The following CDH23 variants were observed in gnomAD, a reference collection of about 807,000 sequenced individuals.
CDH23 encodes cadherin-23.
CDH23 carries 189 observed loss-of-function variants against 317.1 expected under a neutral mutation model. That is an observed-to-expected ratio of 0.60 (90% CI 0.53 to 0.67). The LOEUF is 0.67. CDH23 is among the 30% of genes least tolerant of loss of function. The pLI, the probability that CDH23 is intolerant of heterozygous loss-of-function variation, is 0.00. For synonymous variants in CDH23, 1,839 were observed against 1,876.8 expected, an observed-to-expected ratio of 0.98 and a Z score of 0.52; for missense variants, 4,401 against 4,592.4, an observed-to-expected ratio of 0.96 and a Z score of 1.20.
rs962650309 is a variant in CDH23 at position 71,620,473 on chromosome 10, G to A, written c.1134+3080G>A. On this transcript the variant is annotated intron_variant, in intron 11 of 69. Coordinates refer to ENST00000224721, the MANE Select transcript of CDH23 (RefSeq NM_022124.6). Reference sequence around the variant, plus strand: ...GGGGCAATGTAACCCTGACACCTCCGATTTTATCTCAGGCTGCCTTTGCTA... The same window carrying A: ...GGGGCAATGTAACCCTGACACCTCCAATTTTATCTCAGGCTGCCTTTGCTA... 6.6e-5 allele frequency among the ~76,000 whole-genome samples: 10 copies of A among 152,186 alleles called. No individual in the cohort carries two copies. The East Asian group carries it at 1.3e-3, about 20-fold the overall frequency.
rs762921555 is a variant in CDH23, at chr10:71,809,933, A to G, written c.8836A>G (p.Ile2946Val). Residue 2946 changes from isoleucine (I) to valine (V), a missense_variant, in exon 61 of 70, where the codon ATC becomes GTC. Physicochemically the swap from Ile to Val is conservative, Grantham distance 29. Transcript: ENST00000224721. ...DLAGHNDTAI[I>V]GIYILRDDQR... ...GGCAGGCCACAACGACACGGCCATC[A>G]TCGGCATCTACATCCTGAGGGACGA... 1.1e-5 allele frequency: 18 copies of G among 1,612,798 alleles called. No individual in the cohort carries two copies. Among genetic ancestry groups the G allele is most frequent in the Non-Finnish European group, 1.4e-5 (17 of 1,179,894 alleles).
At chr10:71,806,327 C>A in intron 57 of CDH23, 46 bp downstream of exon 57, 2 of 1,318,198 alleles carry the variant, frequency 1.5e-6, no homozygotes, top group Non-Finnish European at 2.1e-6. Flanking sequence ...CACAGGGACT[C>A]ACCTGCCTGC....
chr10:71,591,912 G>A (rs1017815727), intron 9 of CDH23, among the ~76,000 whole-genome samples: 2 of 152,126 alleles, frequency 1.3e-5, no homozygotes, highest in African/African-American at 4.8e-5. Context: ...TGCTGGGACT[G>A]AGGTGTGGGT....
At position 71,577,117 on chromosome 10, in the gene CDH23, C is replaced by T. The variant is rs118060145; in HGVS notation, c.754-797C>T. On this transcript the variant is annotated intron_variant, in intron 8 of 69. Coordinates refer to ENST00000224721, the MANE Select transcript of CDH23 (RefSeq NM_022124.6). ...CTTCTCCCCTTTTTTGTACGTTTCT[C>T]CATGTGAGCCATATGTGTATTCGCA... Among the ~76,000 whole-genome samples the T allele has an allele frequency of 3.6e-3, 554 of 152,308 alleles. 2 individuals carry two copies. Among genetic ancestry groups the T allele is most frequent in the Non-Finnish European group, 6.0e-3 (408 of 68,032 alleles).
At chr10:71,669,204 G>C (rs975156730) in intron 14 of CDH23, among the ~76,000 whole-genome samples, 1 of 152,208 alleles carries the variant, frequency 6.6e-6, no homozygotes, top group East Asian at 1.9e-4. Flanking sequence ...TCCAGGCCTT[G>C]GTGCCAGCAA....
chr10:71,419,336 C>T (rs1848651506), intron 1 of CDH23, among the ~76,000 whole-genome samples: 1 of 152,226 alleles, frequency 6.6e-6, no homozygotes, highest in Non-Finnish European at 1.5e-5. Flanking sequence ...TGCTCTCCCC[C>T]TGCTCCCTGT....
At chr10:71,418,101 C>G (rs753147256) in intron 1 of CDH23, among the ~76,000 whole-genome samples, 1 of 152,024 alleles carries the variant, frequency 6.6e-6, no homozygotes, top group Non-Finnish European at 1.5e-5. Flanking sequence ...CAACTATTGT[C>G]TTGAACATAT....
chr10:71,714,793 G>GGT (rs1260015680), intron 28 of CDH23: 3 of 152,264 alleles, frequency 2.0e-5, no homozygotes, highest in African/African-American at 7.2e-5. Context: ...GCAGGATGGG[G>GGT]GTGGGGCAGC....
intron 19 of CDH23, 97 bp downstream of exon 19, chr10:71,687,816 G>C: frequency 8.7e-7 from 1 of 1,151,478 alleles, no homozygotes; most frequent in Non-Finnish European, 1.3e-6. Context: ...CACACAAATT[G>C]TGGGAGGTCC....
intron 41 of CDH23, among the ~76,000 whole-genome samples, chr10:71,780,599 G>T (rs146454949): frequency 2.5e-4 from 38 of 152,300 alleles, no homozygotes; most frequent in Admixed American, 5.9e-4. Flanking sequence ...AATGAGACCA[G>T]AGAGGTAATG....
At chr10:71,643,571 C>A (rs1862675190) in intron 11 of CDH23, among the ~76,000 whole-genome samples, 1 of 151,348 alleles carries the variant, frequency 6.6e-6, no homozygotes, top group African/African-American at 2.4e-5. Context: ...CCCCCCCTCA[C>A]CTCCTCACCC....
At chr10:71,687,803 C>G (rs1864970074) in intron 19 of CDH23, 84 bp downstream of exon 19, 1 of 1,259,500 alleles carries the variant, frequency 7.9e-7, no homozygotes. Flanking sequence ...GACCCCGGCT[C>G]TGCACACAAA....
At chr10:71,440,292 T>C (rs934721265) in intron 2 of CDH23, among the ~76,000 whole-genome samples, 1 of 152,150 alleles carries the variant, frequency 6.6e-6, no homozygotes, top group Non-Finnish European at 1.5e-5. Context: ...CACCCAGCTC[T>C]GAGGGAATGG....
intron 1 of CDH23, among the ~76,000 whole-genome samples, chr10:71,427,154 C>CAAA (rs754534481): frequency 3.1e-5 from 2 of 64,298 alleles, no homozygotes; most frequent in African/African-American, 1.0e-4. Context: ...GACCCTGTCT[C>CAAA]AAAAAAAAAA....
intron 3 of CDH23, chr10:71,509,782 A>G: frequency 2.5e-6 from 1 of 399,586 alleles, no homozygotes; most frequent in South Asian, 2.9e-5. Context: ...GGAGGTCTTC[A>G]AATTAAAATC....
intron 11 of CDH23, among the ~76,000 whole-genome samples, chr10:71,640,692 T>C (rs1402122293): frequency 1.3e-5 from 2 of 152,032 alleles, no homozygotes; most frequent in Non-Finnish European, 2.9e-5. Context: ...AGGCAGAGGT[T>C]GCAGTGAGCT....
chr10:71,400,762 G>A (rs1044357868), intron 1 of CDH23, among the ~76,000 whole-genome samples: 2 of 152,186 alleles, frequency 1.3e-5, no homozygotes, highest in Admixed American at 1.3e-4. Context: ...TCATGCCACT[G>A]CATTCCAGCC....
At chr10:71,720,029 C>G (rs1866477628) in intron 28 of CDH23, among the ~76,000 whole-genome samples, 1 of 152,224 alleles carries the variant, frequency 6.6e-6, no homozygotes, top group African/African-American at 2.4e-5. Context: ...CTCTGCGGCC[C>G]CATGGCGCTC....
chr10:71,417,611 T>G (rs928483198), intron 1 of CDH23, among the ~76,000 whole-genome samples: 3 of 152,322 alleles, frequency 2.0e-5, no homozygotes, highest in Admixed American at 1.3e-4. Flanking sequence ...CTTTCTCATC[T>G]GTCCTTCTTT....
Sources: gnomAD v4.1 joint callset for allele counts (sites outside exome capture counted in the v4.1 genomes callset) on GRCh38, gnomAD v4.1.1 for gene constraint, MANE v1.5 for transcripts, NCBI Gene and HGNC (gene_info 2026-07-23, HGNC 2026-07-21) for gene names.